GABRG3: variants seen among roughly 807,000 people sequenced by gnomAD.
The protein encoded by GABRG3 is gamma-aminobutyric acid receptor subunit gamma-3.
A neutral mutation model predicts 48.8 loss-of-function variants in GABRG3; 25 were observed. The observed-to-expected ratio is 0.51, with a 90% CI of 0.37 to 0.72. The LOEUF is 0.72. Ranked by LOEUF, GABRG3 falls within the 30% of genes least tolerant of loss-of-function variation. GABRG3 has a pLI of 0.00. For synonymous variants in GABRG3, 227 were observed against 217.6 expected (o/e 1.04, Z -0.38); for missense variants, 394 against 577.9 (o/e 0.68, Z 3.26).
In GABRG3 at chr15:27,388,088, AGG is replaced by A. The variant is rs1566817589; in HGVS notation, c.574+59202_574+59203del. On this transcript the variant is annotated intron_variant, in intron 5 of 9. Coordinates refer to ENST00000615808, the MANE Select transcript of GABRG3 (RefSeq NM_033223.5). Reference sequence around the variant, plus strand: ...GGGTAAGGAAGGAAGGAAGGAAAGGAGGGAGGAAAGGGAGGGAGGGAAAAGAA... The same window carrying A: ...GGGTAAGGAAGGAAGGAAGGAAAGGAGAGGAAAGGGAGGGAGGGAAAAGAA... 3.3e-4 allele frequency among the ~76,000 whole-genome samples: 16 copies of A among 48,772 alleles called. 1 individual carries two copies. The highest frequency in any genetic ancestry group is 1.6e-3 in the African/African-American group (15 of 9,478). 32.0% of individuals were successfully genotyped at this position (48,772 alleles called of 152,430 possible).
intron 2 of GABRG3, among the ~76,000 whole-genome samples, chr15:27,005,719 A>G: frequency 6.6e-6 from 1 of 152,186 alleles, no homozygotes; most frequent in African/African-American, 2.4e-5. Context: ...GACTAGAAGC[A>G]AGTCTTGTTC....
chr15:27,131,053 G>C (rs1897908111), intron 3 of GABRG3, among the ~76,000 whole-genome samples: 1 of 151,696 alleles, frequency 6.6e-6, no homozygotes, highest in Non-Finnish European at 1.5e-5. Flanking sequence ...AATTACTCTG[G>C]CTAGAAATTC....
chr15:27,183,181 A>C (rs1350806981), intron 3 of GABRG3, among the ~76,000 whole-genome samples: 1 of 152,072 alleles, frequency 6.6e-6, no homozygotes, highest in Non-Finnish European at 1.5e-5. Flanking sequence ...TGTGTGACAA[A>C]CATGCTTTAT....
chr15:27,466,166 C>T (rs944144154), intron 5 of GABRG3, among the ~76,000 whole-genome samples: 2 of 152,260 alleles, frequency 1.3e-5, no homozygotes, highest in Non-Finnish European at 1.5e-5. Context: ...AAGAGTCTGG[C>T]GTAGTTTCTA....
At chr15:27,413,522 G>GA (rs35206304) in intron 5 of GABRG3, among the ~76,000 whole-genome samples, 1 of 152,098 alleles carries the variant, frequency 6.6e-6, no homozygotes, top group East Asian at 1.9e-4. Flanking sequence ...TGTAGCACAC[G>GA]AAAAATCATT....
intron 6 of GABRG3, among the ~76,000 whole-genome samples, chr15:27,493,746 C>T (rs1890414500): frequency 6.6e-6 from 1 of 152,144 alleles, no homozygotes; most frequent in East Asian, 1.9e-4. Context: ...TCGATAGTCT[C>T]AACACTATGA....
chr15:27,292,439 T>A (rs982344580), intron 3 of GABRG3, among the ~76,000 whole-genome samples: 2 of 150,630 alleles, frequency 1.3e-5, no homozygotes, highest in African/African-American at 4.9e-5. Context: ...AAAAAAAAAA[T>A]GAAAAAAAAA....
intron 3 of GABRG3, among the ~76,000 whole-genome samples, chr15:27,271,370 C>A (rs11857324): frequency 0.11 from 16,513 of 152,260 alleles, 1,546 homozygotes; most frequent in African/African-American, 0.25. Flanking sequence ...ACTCTGTCCT[C>A]CTCGTGCTCA....
intron 2 of GABRG3, among the ~76,000 whole-genome samples, chr15:26,995,270 G>A (rs1895319472): frequency 6.6e-6 from 1 of 151,806 alleles, no homozygotes; most frequent in South Asian, 2.1e-4. Context: ...TAGCTACTTT[G>A]TATCTTTTAT....
intron 3 of GABRG3, among the ~76,000 whole-genome samples, chr15:27,190,841 C>T (rs1191376838): frequency 6.6e-6 from 1 of 151,944 alleles, no homozygotes; most frequent in Non-Finnish European, 1.5e-5. Context: ...TTGGATCTTT[C>T]CTGCTTTCTC....
chr15:27,040,327 C>G (rs1170990531), intron 3 of GABRG3, among the ~76,000 whole-genome samples: 1 of 152,208 alleles, frequency 6.6e-6, no homozygotes, highest in Non-Finnish European at 1.5e-5. Context: ...CTGGTCGTTG[C>G]AAGCAGGCAG....
chr15:27,147,129 G>T (rs1566947072), intron 3 of GABRG3, among the ~76,000 whole-genome samples: 1 of 151,858 alleles, frequency 6.6e-6, no homozygotes, highest in Non-Finnish European at 1.5e-5. Context: ...AAGAGAGCTG[G>T]GGTTGCTATA....
intron 5 of GABRG3, among the ~76,000 whole-genome samples, chr15:27,453,545 A>G (rs1358396791): frequency 1.3e-5 from 2 of 152,122 alleles, no homozygotes; most frequent in Non-Finnish European, 2.9e-5. Flanking sequence ...TTGAAATCTC[A>G]CAGTATCCTT....
chr15:27,110,575 T>C (rs915640088), intron 3 of GABRG3, among the ~76,000 whole-genome samples: 1 of 139,852 alleles, frequency 7.2e-6, no homozygotes, highest in African/African-American at 2.9e-5. Context: ...GACAACAAAT[T>C]CCCTCAATTT....
chr15:27,083,253 G>A, intron 3 of GABRG3, among the ~76,000 whole-genome samples: 1 of 151,860 alleles, frequency 6.6e-6, no homozygotes, highest in East Asian at 1.9e-4. Flanking sequence ...TTTTTTTCCT[G>A]ACTTTCATTC....
rs188300590 is a variant in GABRG3 at position 27,191,708 on chromosome 15, G to A, written c.271-135101G>A. Among the ~76,000 whole-genome samples, 1,010 of 152,018 alleles carry A rather than the reference G, an allele frequency of 6.6e-3. 9 individuals are homozygous for A. Among genetic ancestry groups the A allele is most frequent in the African/African-American group, 0.023 (933 of 41,426 alleles). On this transcript the variant is annotated intron_variant, in intron 3 of 9. Transcript: ENST00000615808. ...TGCCAGTCTGTGTCTTTTAATTGGA[G>A]CATTTAGTCCATTTACGTTTAAAGT...
chr15:27,278,723 A>G (rs1891337155), intron 3 of GABRG3, among the ~76,000 whole-genome samples: 1 of 152,188 alleles, frequency 6.6e-6, no homozygotes, highest in South Asian at 2.1e-4. Context: ...GTTATTTTGG[A>G]TATTGTGATT....
intron 3 of GABRG3, among the ~76,000 whole-genome samples, chr15:27,028,650 T>C (rs111351631): frequency 0.15 from 22,770 of 151,340 alleles, 1,996 homozygotes; most frequent in Non-Finnish European, 0.2. Context: ...ACTAAAAATA[T>C]AAAAAATCAG....
At chr15:27,348,574 T>G (rs1043499310) in intron 5 of GABRG3, among the ~76,000 whole-genome samples, 1 of 152,180 alleles carries the variant, frequency 6.6e-6, no homozygotes, top group Non-Finnish European at 1.5e-5. Flanking sequence ...GTCAAGGTTC[T>G]AAAACAAGCT....
Sources: gnomAD v4.1 joint callset for allele counts (sites outside exome capture counted in the v4.1 genomes callset) on GRCh38, gnomAD v4.1.1 for gene constraint, MANE v1.5 for transcripts, NCBI Gene and HGNC (gene_info 2026-07-23, HGNC 2026-07-21) for gene names.